Variants in ECPAS observed in about 807,000 individuals in gnomAD.
The protein encoded by ECPAS is Ecm29 proteasome adaptor and scaffold, also known as proteasome adapter and scaffold protein ECM29.
A neutral mutation model predicts 255.1 loss-of-function variants in ECPAS; 70 were observed. The observed-to-expected ratio is 0.27, with a 90% CI of 0.23 to 0.33. The LOEUF is 0.33. Among genes scored for constraint, ECPAS ranks in the 10% least tolerant of loss-of-function variants. ECPAS has a pLI of 1.00. For synonymous variants in ECPAS, 784 were observed against 775.0 expected (o/e 1.01, Z -0.19); for missense variants, 1,817 against 2,206.4 (o/e 0.82, Z 3.54).
intron 20 of ECPAS, among the ~76,000 whole-genome samples, chr9:111,412,436 G>A (rs1424457309): frequency 6.6e-6 from 1 of 152,208 alleles, no homozygotes; most frequent in Non-Finnish European, 1.5e-5. Context: ...TGGGCCATTT[G>A]GTCTCTGCTG....
intron 48 of ECPAS, 154 bp downstream of exon 48, chr9:111,366,085 C>T: frequency 1.8e-6 from 1 of 540,818 alleles, no homozygotes; most frequent in Non-Finnish European, 3.3e-6. Context: ...TTTAAATATT[C>T]CAGTTAAGGG....
intron 2 of ECPAS, among the ~76,000 whole-genome samples, chr9:111,470,746 C>CCACACACACA (rs57091815): frequency 0.087 from 10,824 of 124,292 alleles, 561 homozygotes; most frequent in East Asian, 0.1. Context: ...TCTCCTCCCG[C>CCACACACACA]CACACACACA....
At chr9:111,366,501 C>T in intron 47 of ECPAS, 21 bp downstream of exon 47, 1 of 1,563,620 alleles carries the variant, frequency 6.4e-7, no homozygotes, top group Non-Finnish European at 8.8e-7. Context: ...AAATAAAAAA[C>T]TGAGCCATGA....
chr9:111,378,551 T>A, intron 36 of ECPAS, 29 bp downstream of exon 36: 1 of 1,598,530 alleles, frequency 6.3e-7, no homozygotes, highest in Non-Finnish European at 8.5e-7. Flanking sequence ...CTCATGATAC[T>A]TACCAATATG....
At chr9:111,390,624 G>C (rs1052649485) in intron 29 of ECPAS, among the ~76,000 whole-genome samples, 2 of 152,170 alleles carry the variant, frequency 1.3e-5, no homozygotes, top group Non-Finnish European at 2.9e-5. Context: ...TAAGTACAAT[G>C]AAAACAACTT....
At chr9:111,466,274 A>G (rs1418307046) in intron 2 of ECPAS, among the ~76,000 whole-genome samples, 2 of 151,856 alleles carry the variant, frequency 1.3e-5, no homozygotes, top group Non-Finnish European at 2.9e-5. Flanking sequence ...GGTGAAACCC[A>G]TGTCTAGTAA....
At chr9:111,394,074 TTAATGACCTTCACCCTCA>T in intron 26 of ECPAS, 68 bp downstream of exon 26, 1 of 1,281,282 alleles carries the variant, frequency 7.8e-7, no homozygotes. Context: ...CTACTATTGG[TTAATGACCTTCACCCTCA>T]TATGCTTTCC....
intron 42 of ECPAS, among the ~76,000 whole-genome samples, chr9:111,372,034 A>G (rs1174937835): frequency 1.3e-5 from 2 of 152,212 alleles, no homozygotes; most frequent in Non-Finnish European, 2.9e-5. Context: ...GGGTGCCCAC[A>G]GGAACGTATC....
Position 111,459,121 on chromosome 9 carries a change from TATATG to T in ECPAS, c.23-7571_23-7567del, listed in dbSNP as rs538495305. On this transcript the variant is annotated intron_variant, in intron 2 of 49. Coordinates refer to ENST00000684092, the MANE Select transcript of ECPAS (RefSeq NM_001364929.1). ...CTGGTTAGGTTTGGCAGAGTAATTATATATGATATAAAATATTTTCCATATGTTAT... is the reference window on the plus strand; with the variant it reads ...CTGGTTAGGTTTGGCAGAGTAATTATATATAAAATATTTTCCATATGTTAT... 1.6e-4 allele frequency among the ~76,000 whole-genome samples: 24 copies of T among 152,308 alleles called. 2 individuals are homozygous for T. The East Asian group carries it at 4.4e-3, about 28-fold the overall frequency.
At chr9:111,438,451 CA>C (rs1371827689) in intron 6 of ECPAS, among the ~76,000 whole-genome samples, 1 of 151,692 alleles carries the variant, frequency 6.6e-6, no homozygotes, top group Non-Finnish European at 1.5e-5. Context: ...ACAAAAAATA[CA>C]AAAAAATTAG....
intron 2 of ECPAS, among the ~76,000 whole-genome samples, chr9:111,465,349 G>A (rs1229192524): frequency 6.6e-6 from 1 of 151,910 alleles, no homozygotes; most frequent in African/African-American, 2.4e-5. Flanking sequence ...AGACCAGGCT[G>A]GCCAACATGG....
At chr9:111,454,203 G>C (rs1472105889) in intron 2 of ECPAS, among the ~76,000 whole-genome samples, 1 of 147,470 alleles carries the variant, frequency 6.8e-6, no homozygotes, top group Non-Finnish European at 1.5e-5. Flanking sequence ...CTGAGCTACA[G>C]AAACTGTAAA....
chr9:111,481,753 A>G (rs981518932), intron 1 of ECPAS, among the ~76,000 whole-genome samples: 10 of 152,226 alleles, frequency 6.6e-5, no homozygotes, highest in Non-Finnish European at 1.3e-4. Context: ...ATACAAGGGA[A>G]TATCATTCAA....
At chr9:111,483,392 G>A (rs2098309804) in intron 1 of ECPAS, 2 of 364,546 alleles carry the variant, frequency 5.5e-6, no homozygotes, top group Non-Finnish European at 7.6e-6. Context: ...GTACGCCGCG[G>A]CCGCCGCCCG....
chr9:111,436,207 G>C (rs775414229), intron 7 of ECPAS, among the ~76,000 whole-genome samples: 14 of 152,014 alleles, frequency 9.2e-5, no homozygotes, highest in Non-Finnish European at 2.1e-4. Context: ...AAAAAAAAAG[G>C]GATCAAATCA....
chr9:111,431,794 G>T (rs1457177174), intron 8 of ECPAS, among the ~76,000 whole-genome samples: 2 of 152,078 alleles, frequency 1.3e-5, no homozygotes, highest in Non-Finnish European at 1.5e-5. Flanking sequence ...TTCTTTCATA[G>T]TTTATAAATA....
At chr9:111,365,979 G>T (rs1359690444) in intron 48 of ECPAS, 3 of 472,144 alleles carry the variant, frequency 6.4e-6, no homozygotes, top group Admixed American at 7.6e-5. Context: ...CAACCATTCT[G>T]TAAGTTTGAA....
rs2098210839 is a variant in ECPAS, at chr9:111,420,001, A to G, written c.1559+16T>C. On this transcript the variant is annotated intron_variant, in intron 16 of 49. Transcript: ENST00000684092. ...AAAATAAACCAAAATTCAAATTAAC[A>G]CCTTTTGAAACTTACGGATCTCCTG... The G allele has an allele frequency of 6.5e-7, 1 of 1,542,334 alleles. No homozygotes were observed. Among genetic ancestry groups the G allele is most frequent in the Non-Finnish European group, 9.0e-7 (1 of 1,115,168 alleles).
At chr9:111,399,843 C>T (rs1015589227) in intron 24 of ECPAS, among the ~76,000 whole-genome samples, 4 of 152,256 alleles carry the variant, frequency 2.6e-5, no homozygotes, top group African/African-American at 9.6e-5. Context: ...AGTCCCAAGT[C>T]CTGGTTGGCT....
Sources: allele counts gnomAD v4.1 joint callset (sites outside exome capture counted in the v4.1 genomes callset), GRCh38; gene constraint gnomAD v4.1.1; transcripts MANE v1.5; gene names NCBI Gene and HGNC (gene_info 2026-07-23, HGNC 2026-07-21).